ICA1: variants seen among roughly 807,000 people sequenced by gnomAD.
ICA1 encodes islet cell autoantigen 1.
A neutral mutation model predicts 71.0 loss-of-function variants in ICA1; 40 were observed. The ratio of observed to expected loss-of-function variants is 0.56; its 90% CI spans 0.44 to 0.73. ICA1 has a LOEUF of 0.73. Among genes scored for constraint, ICA1 ranks in the 30% least tolerant of loss-of-function variants. The pLI, the probability that ICA1 is intolerant of heterozygous loss-of-function variation, is 0.00. For synonymous variants in ICA1, 207 were observed against 209.5 expected (o/e 0.99, Z 0.10); for missense variants, 578 against 576.5 (o/e 1.00, Z -0.03).
chr7:8,162,841 G>A (rs773926228), intron 6 of ICA1, among the ~76,000 whole-genome samples: 2 of 152,222 alleles, frequency 1.3e-5, no homozygotes, highest in Non-Finnish European at 2.9e-5. Context: ...TTGGCTCACT[G>A]CAACCGCTGC....
chr7:8,210,672 A>C (rs2128377137), intron 6 of ICA1, among the ~76,000 whole-genome samples: 1 of 152,242 alleles, frequency 6.6e-6, no homozygotes, highest in East Asian at 1.9e-4. Flanking sequence ...CTGAACACAA[A>C]GGTGGGTTGT....
In ICA1 at chr7:8,157,061, T is replaced by A. The variant is rs771993604; in HGVS notation, c.804+55A>T. 2.4e-5 allele frequency: 39 copies of A among 1,613,660 alleles called. No homozygotes were observed. In the African/African-American group the frequency reaches 4.7e-4, roughly 19 times the overall value. On this transcript the variant is annotated intron_variant, in intron 8 of 13. Transcript: ENST00000402384. ...TCTGCAATGGACTTTGCTTGTGATATAAACAAAACTTTACTTTTCTCAAGA... is the reference window on the plus strand; with the variant it reads ...TCTGCAATGGACTTTGCTTGTGATAAAAACAAAACTTTACTTTTCTCAAGA...
chr7:8,147,909 C>T (rs1584536315), intron 8 of ICA1, among the ~76,000 whole-genome samples: 1 of 152,146 alleles, frequency 6.6e-6, no homozygotes, highest in East Asian at 1.9e-4. Context: ...CTGCCCATGT[C>T]TGAATGGGTT....
At position 8,223,054 on chromosome 7, in the gene ICA1, TACTC is replaced by T; in HGVS notation, c.257-1660_257-1657del. ...AGTTGAAATACTTATTGCCTTTTAA[TACTC>T]ACGCCATGGTTCTATGTAGCTTTTT... On this transcript the variant is annotated intron_variant, in intron 4 of 13. Transcript: ENST00000402384. This position sits in a 1 kb window ranked among gnomAD's most constrained non-coding sequence, Gnocchi z 4.1. 2.0e-5 allele frequency among the ~76,000 whole-genome samples: 3 copies of T among 152,388 alleles called. 1 individual carries two copies. The highest frequency in any genetic ancestry group is 4.4e-5 in the Non-Finnish European group (3 of 68,044).
chr7:8,151,053 G>A (rs6463771), intron 8 of ICA1, among the ~76,000 whole-genome samples: 118,188 of 152,264 alleles, frequency 0.78, 46,685 homozygotes, highest in East Asian at 0.96. Context: ...AAAGGAAATA[G>A]ATTCACTTTC....
chr7:8,216,874 G>T (rs17145415), intron 6 of ICA1, among the ~76,000 whole-genome samples: 2 of 152,186 alleles, frequency 1.3e-5, no homozygotes, highest in African/African-American at 4.8e-5. Context: ...CTTGGTTATT[G>T]TGAGGAGTAA....
chr7:8,206,509 C>G (rs1000145215), intron 6 of ICA1, among the ~76,000 whole-genome samples: 1 of 152,156 alleles, frequency 6.6e-6, no homozygotes, highest in African/African-American at 2.4e-5. Flanking sequence ...CCCTTTTCTT[C>G]TGTTCTTCAA....
At chr7:8,168,879 T>C (rs1402610482) in intron 6 of ICA1, among the ~76,000 whole-genome samples, 16 of 152,160 alleles carry the variant, frequency 1.1e-4, no homozygotes, top group Admixed American at 1.0e-3. Context: ...TAAGCAGCTT[T>C]GTTGAGCTAC....
intron 6 of ICA1, among the ~76,000 whole-genome samples, chr7:8,160,720 G>T (rs900149583): frequency 6.6e-6 from 1 of 152,214 alleles, no homozygotes; most frequent in African/African-American, 2.4e-5. Flanking sequence ...GATCTGGGAA[G>T]ATCAAAGATC....
chr7:8,161,481 T>C (rs911575147), intron 6 of ICA1, among the ~76,000 whole-genome samples: 4 of 152,200 alleles, frequency 2.6e-5, no homozygotes, highest in African/African-American at 9.7e-5. Context: ...CTACTCTGAC[T>C]CTGAGCTCGG....
chr7:8,196,499 A>G (rs1787630021), intron 6 of ICA1, among the ~76,000 whole-genome samples: 1 of 152,180 alleles, frequency 6.6e-6, no homozygotes, highest in African/African-American at 2.4e-5. Flanking sequence ...TGTAAACTCT[A>G]GACTTTGGTT....
At chr7:8,247,584 G>A (rs540449834) in intron 1 of ICA1, among the ~76,000 whole-genome samples, 1 of 152,290 alleles carries the variant, frequency 6.6e-6, no homozygotes, top group South Asian at 2.1e-4. Context: ...GCTAAAACAA[G>A]CCAGGTTTTA....
chr7:8,227,622 T>TC (rs1169708746), intron 4 of ICA1: 1 of 394,806 alleles, frequency 2.5e-6, no homozygotes, highest in African/African-American at 2.2e-5. Flanking sequence ...TTTTTTTTTT[T>TC]TCTAAGAGAT....
chr7:8,228,955 A>C (rs2128451518), intron 3 of ICA1, among the ~76,000 whole-genome samples: 1 of 152,334 alleles, frequency 6.6e-6, no homozygotes, highest in Middle Eastern at 3.4e-3. Flanking sequence ...GAAAAACAAA[A>C]AACAGACATC....
At chr7:8,233,267 T>C (rs1205932025) in intron 2 of ICA1, among the ~76,000 whole-genome samples, 2 of 152,220 alleles carry the variant, frequency 1.3e-5, no homozygotes, top group African/African-American at 4.8e-5. Flanking sequence ...GAGAGTAGAA[T>C]GGCAGTTACG....
In ICA1 at chr7:8,174,771, A is replaced by AAAAAAAAAAAACC. The variant is rs1554310916; in HGVS notation, c.580-16120_580-16119insGGTTTTTTTTTTT. ...ACTGTATCTCAAAAAAAAAAAAAAA[A>AAAAAAAAAAAACC]AAAAAAAACAGAGAGAGAGACAAAT... On this transcript the variant is annotated intron_variant, in intron 6 of 13. Coordinates refer to ENST00000402384, the MANE Select transcript of ICA1 (RefSeq NM_001136020.3). 1.2e-3 allele frequency among the ~76,000 whole-genome samples: 131 copies of AAAAAAAAAAAACC among 106,014 alleles called. 2 individuals are homozygous for AAAAAAAAAAAACC. The highest frequency in any genetic ancestry group is 3.9e-3 in the African/African-American group (124 of 32,086). The allele number at this position is 106,014 out of a possible 152,430, so 69.5% of individuals were successfully genotyped here.
At chr7:8,227,656 G>T in intron 4 of ICA1, 1 of 416,564 alleles carries the variant, frequency 2.4e-6, no homozygotes, top group Non-Finnish European at 4.7e-6. Flanking sequence ...GCCCAGGCTG[G>T]AGCACAACGG....
At chr7:8,184,822 A>C (rs1048800173) in intron 6 of ICA1, among the ~76,000 whole-genome samples, 22 of 152,170 alleles carry the variant, frequency 1.4e-4, no homozygotes, top group African/African-American at 4.3e-4. Flanking sequence ...CACCTGTAAT[A>C]CCAGCACTTT....
At chr7:8,177,949 C>G (rs1457771448) in intron 6 of ICA1, among the ~76,000 whole-genome samples, 2 of 152,226 alleles carry the variant, frequency 1.3e-5, no homozygotes, top group African/African-American at 4.8e-5. Context: ...ATTAACAGCA[C>G]TTTCAGCAGT....
Sources: gnomAD v4.1 joint callset for allele counts (sites outside exome capture counted in the v4.1 genomes callset) on GRCh38, gnomAD v4.1.1 for gene constraint, Gnocchi (gnomAD v3.1) non-coding constraint, MANE v1.5 for transcripts, NCBI Gene and HGNC (gene_info 2026-07-23, HGNC 2026-07-21) for gene names.